The following SYN3 variants were observed in gnomAD, a reference collection of about 807,000 sequenced individuals.
The protein encoded by SYN3 is synapsin III.
Under a neutral mutation model 65.8 loss-of-function variants are expected in SYN3, and 35 were observed. That is an observed-to-expected ratio of 0.53 (90% CI 0.41 to 0.70). The LOEUF (loss-of-function observed/expected upper bound fraction) is 0.70. Ranked by LOEUF, SYN3 falls within the 30% of genes least tolerant of loss-of-function variation. SYN3 has a pLI of 0.00. For missense variants in SYN3, 680 were observed against 749.0 expected, an observed-to-expected ratio of 0.91 and a Z score of 1.08; for synonymous variants, 270 against 292.9, an observed-to-expected ratio of 0.92 and a Z score of 0.80.
rs1207353846 is a variant in SYN3, at chr22:32,761,015, G to A, written c.711+103900C>T. Among the ~76,000 whole-genome samples, 3 of 152,142 alleles carry A rather than the reference G, an allele frequency of 2.0e-5. No homozygotes were observed. The South Asian group carries it at 6.2e-4, about 32-fold the overall frequency. ...TTTCCAGTCTGTTCCCTCTAGCAGG[G>A]GGAGCTCCCGGGGTACACGGTGTCC... is the stretch of plus-strand genomic sequence containing the variant. On this transcript the variant is annotated intron_variant, in intron 6 of 13. Coordinates refer to ENST00000358763, the MANE Select transcript of SYN3 (RefSeq NM_003490.4).
intron 4 of SYN3, among the ~76,000 whole-genome samples, chr22:32,886,593 C>T (rs79160261): frequency 2.2e-3 from 334 of 152,270 alleles, no homozygotes; most frequent in Non-Finnish European, 3.6e-3. Flanking sequence ...TGATTTGCTT[C>T]GACATATGTA....
intron 6 of SYN3, among the ~76,000 whole-genome samples, chr22:32,762,956 A>G (rs2045525810): frequency 6.6e-6 from 1 of 152,248 alleles, no homozygotes; most frequent in Admixed American, 6.5e-5. Flanking sequence ...AGGAATATTA[A>G]TCACATAGTC....
chr22:32,689,170 C>T (rs916192865), intron 6 of SYN3, among the ~76,000 whole-genome samples: 10 of 152,128 alleles, frequency 6.6e-5, no homozygotes, highest in South Asian at 6.2e-4. Flanking sequence ...AGCATCTCTG[C>T]GGAGATTGGG....
At chr22:32,525,808 G>A (rs1458577860) in intron 12 of SYN3, among the ~76,000 whole-genome samples, 2 of 152,156 alleles carry the variant, frequency 1.3e-5, no homozygotes, top group African/African-American at 2.4e-5. Context: ...CAGGTTTTGC[G>A]AGGACTGACT....
At chr22:32,898,144 C>T (rs1365456045) in intron 4 of SYN3, among the ~76,000 whole-genome samples, 2 of 152,154 alleles carry the variant, frequency 1.3e-5, no homozygotes, top group Non-Finnish European at 2.9e-5. Flanking sequence ...TACAGGTGTG[C>T]GTCACCACAT....
chr22:33,043,301 A>G (rs2053996666), intron 1 of SYN3, among the ~76,000 whole-genome samples: 1 of 152,236 alleles, frequency 6.6e-6, no homozygotes, highest in Non-Finnish European at 1.5e-5. Flanking sequence ...TAATCCCAGC[A>G]GTTTGGGAGG....
intron 13 of SYN3, among the ~76,000 whole-genome samples, chr22:32,515,709 T>C (rs1270591807): frequency 6.6e-6 from 1 of 152,218 alleles, no homozygotes; most frequent in African/African-American, 2.4e-5. Flanking sequence ...TTTCTATTTG[T>C]GATGGATTAG....
At chr22:32,902,084 A>T (rs540714535) in intron 4 of SYN3, among the ~76,000 whole-genome samples, 24 of 152,088 alleles carry the variant, frequency 1.6e-4, no homozygotes, top group African/African-American at 5.3e-4. Flanking sequence ...CCAACTCTAC[A>T]CCCAATTCCT....
chr22:32,643,005 A>C (rs2059924792), intron 6 of SYN3, among the ~76,000 whole-genome samples: 1 of 152,206 alleles, frequency 6.6e-6, no homozygotes, highest in Admixed American at 6.5e-5. Context: ...ATGTGCACAC[A>C]ATTTACACTT....
intron 6 of SYN3, among the ~76,000 whole-genome samples, chr22:32,679,053 T>TC (rs1483123349): frequency 1.5e-5 from 2 of 136,290 alleles, no homozygotes; most frequent in African/African-American, 2.7e-5. Flanking sequence ...TCTTTCTTTT[T>TC]TTTTTTTTTT....
At chr22:32,817,888 G>A (rs920814408) in intron 6 of SYN3, among the ~76,000 whole-genome samples, 1 of 152,164 alleles carries the variant, frequency 6.6e-6, no homozygotes, top group African/African-American at 2.4e-5. Flanking sequence ...TCCCCTGGTC[G>A]TCTGGGCCAG....
At chr22:32,968,197 G>A (rs993464150) in intron 3 of SYN3, among the ~76,000 whole-genome samples, 13 of 152,140 alleles carry the variant, frequency 8.5e-5, no homozygotes, top group African/African-American at 2.7e-4. Context: ...TTTCAAATAC[G>A]AATTACAGGT....
At chr22:32,577,401 G>T (rs942454329) in intron 7 of SYN3, among the ~76,000 whole-genome samples, 1 of 152,154 alleles carries the variant, frequency 6.6e-6, no homozygotes, top group Admixed American at 6.5e-5. Context: ...GTAATCATTT[G>T]CTTGCATGGC....
At chr22:32,760,716 G>A (rs11089594) in intron 6 of SYN3, among the ~76,000 whole-genome samples, 23,001 of 152,190 alleles carry the variant, frequency 0.15, 2,249 homozygotes, top group East Asian at 0.35. Flanking sequence ...TCAGAGGGGC[G>A]GTGTAAAGAC....
chr22:32,925,866 C>CTTTTTTTTTT (rs34649323), intron 4 of SYN3, among the ~76,000 whole-genome samples: 30 of 132,728 alleles, frequency 2.3e-4, no homozygotes, highest in African/African-American at 7.9e-4. Context: ...GATAGTTGTT[C>CTTTTTTTTTT]TTTTTTTTTT....
At chr22:32,814,520 G>A (rs1201580581) in intron 6 of SYN3, among the ~76,000 whole-genome samples, 1 of 152,108 alleles carries the variant, frequency 6.6e-6, no homozygotes, top group East Asian at 1.9e-4. Flanking sequence ...GACAAGAGAT[G>A]GCTTGACCAG....
chr22:32,690,947 G>A (rs1244197861), intron 6 of SYN3, among the ~76,000 whole-genome samples: 3 of 152,210 alleles, frequency 2.0e-5, no homozygotes, highest in Non-Finnish European at 2.9e-5. Flanking sequence ...GGAGGTGGCA[G>A]TGAATTTGAG....
chr22:32,956,158 CTTTT>C (rs1362683300), intron 3 of SYN3, among the ~76,000 whole-genome samples: 2 of 121,058 alleles, frequency 1.7e-5, no homozygotes, highest in South Asian at 5.0e-4. Flanking sequence ...CCCCTACTAA[CTTTT>C]TTTTTTTTTT....
At chr22:33,010,461 C>A (rs754057393) in intron 1 of SYN3, among the ~76,000 whole-genome samples, 9 of 152,164 alleles carry the variant, frequency 5.9e-5, no homozygotes, top group African/African-American at 2.2e-4. Context: ...GCTTTGGTGG[C>A]CTTGTTGGCA....
Sources: allele counts gnomAD v4.1 joint callset (sites outside exome capture counted in the v4.1 genomes callset), GRCh38; gene constraint gnomAD v4.1.1; transcripts MANE v1.5; gene names NCBI Gene and HGNC (gene_info 2026-07-23, HGNC 2026-07-21).